Variants in CUX1 observed in about 807,000 individuals in gnomAD.
The protein encoded by CUX1 is cut like homeobox 1.
CUX1 carries 31 observed loss-of-function variants against 158.8 expected under a neutral mutation model. The observed-to-expected ratio is 0.20, with a 90% CI of 0.15 to 0.26. The LOEUF (loss-of-function observed/expected upper bound fraction) is 0.26. Ranked by LOEUF, CUX1 falls within the 10% of genes least tolerant of loss-of-function variation. The pLI, the probability that CUX1 is intolerant of heterozygous loss-of-function variation, is 1.00. For synonymous variants in CUX1, 879 were observed against 862.1 expected (o/e 1.02, Z -0.34); for missense variants, 1,589 against 2,014.6 (o/e 0.79, Z 4.04).
At chr7:101,922,832 A>G (rs140238842) in intron 2 of CUX1, among the ~76,000 whole-genome samples, 10 of 152,350 alleles carry the variant, frequency 6.6e-5, no homozygotes, top group African/African-American at 2.4e-4. Context: ...GGCTGGCAGC[A>G]GGGGCAGCAC....
At chr7:102,195,314 T>TA (rs1210172897) in intron 13 of CUX1, among the ~76,000 whole-genome samples, 193 bp from the exon 14 acceptor site, 3 of 152,174 alleles carry the variant, frequency 2.0e-5, no homozygotes, top group Non-Finnish European at 4.4e-5. Context: ...CCATTCTTTC[T>TA]AAAGGGAACT....
intron 20 of CUX1, among the ~76,000 whole-genome samples, chr7:102,220,181 C>T (rs1218855979): frequency 2.0e-5 from 3 of 152,148 alleles, no homozygotes; most frequent in South Asian, 2.1e-4. Flanking sequence ...GCCAACATGG[C>T]GAAATCCCAT....
chr7:101,853,459 C>A (rs959095755), intron 1 of CUX1, among the ~76,000 whole-genome samples: 8 of 152,182 alleles, frequency 5.3e-5, no homozygotes, highest in Non-Finnish European at 1.2e-4. Context: ...TTTCTTTAGC[C>A]TTTGTCCTGT....
intron 14 of CUX1, among the ~76,000 whole-genome samples, chr7:102,272,857 G>T (rs1791319368): frequency 6.6e-6 from 1 of 152,186 alleles, no homozygotes; most frequent in South Asian, 2.1e-4. Flanking sequence ...CACCTCTGTT[G>T]TCAGCCCAGA....
Position 102,250,777 on chromosome 7 carries a change from AGTGTGCGTGC to A in CUX1, c.*1745_*1754del, listed in dbSNP as rs1254225794. On this transcript the variant is annotated 3_prime_UTR_variant, in exon 24 of 24. Transcript: ENST00000292535. Reference sequence around the variant, plus strand: ...ATGCGTGAGAATAGAGGCGGGTGAGAGTGTGCGTGCGTGTGCGTGTGTGCAATTTTATACG... The same window carrying A: ...ATGCGTGAGAATAGAGGCGGGTGAGAGTGTGCGTGTGTGCAATTTTATACG... 5.1e-5 allele frequency: 50 copies of A among 985,122 alleles called. No individual in the cohort carries two copies. Among genetic ancestry groups the A allele is most frequent in the Non-Finnish European group, 5.9e-5 (49 of 829,914 alleles). 61.0% of individuals were successfully genotyped at this position (985,122 alleles called of 1,614,324 possible).
chr7:101,896,406 G>A (rs1246866616), intron 1 of CUX1, among the ~76,000 whole-genome samples: 2 of 152,188 alleles, frequency 1.3e-5, no homozygotes, highest in African/African-American at 4.8e-5. Flanking sequence ...ATGAAGGGGT[G>A]TATGAAGGTA....
chr7:101,977,270 A>G (rs1480037499), intron 2 of CUX1, among the ~76,000 whole-genome samples: 2 of 152,038 alleles, frequency 1.3e-5, no homozygotes, highest in African/African-American at 4.8e-5. Context: ...GTATCAACCC[A>G]CAAGGAACTT....
rs1395717280 is a variant in CUX1 at position 102,195,130 on chromosome 7, AAAG to A, written c.1126-374_1126-372del. Reference sequence around the variant, plus strand: ...TTTGTGGCTGGCAAAAAAAAAAAAAAAAGAAAAGTTCCCTTTACAGTAACGTTC... The same window carrying A: ...TTTGTGGCTGGCAAAAAAAAAAAAAAAAAAGTTCCCTTTACAGTAACGTTC... On this transcript the variant is annotated intron_variant, in intron 13 of 23. Coordinates refer to ENST00000292535, the MANE Select transcript of CUX1 (RefSeq NM_181552.4). Among the ~76,000 whole-genome samples, 7 of 151,884 alleles carry A rather than the reference AAAG, an allele frequency of 4.6e-5. No homozygotes were observed. The East Asian group carries it at 1.4e-3, about 31-fold the overall frequency.
At chr7:102,132,496 T>G (rs1253095346) in intron 8 of CUX1, among the ~76,000 whole-genome samples, 2 of 151,990 alleles carry the variant, frequency 1.3e-5, no homozygotes, top group Admixed American at 6.6e-5. Context: ...AGCCCCCTTC[T>G]GCTTTCTTCC....
In CUX1 at chr7:102,256,377, A is replaced by C; in HGVS notation, c.*7335A>C. 6 of 985,288 alleles carry C rather than the reference A, an allele frequency of 6.1e-6. No individual in the cohort carries two copies. Among genetic ancestry groups the C allele is most frequent in the Non-Finnish European group, 7.2e-6 (6 of 829,808 alleles). 61.0% of individuals were successfully genotyped at this position (985,288 alleles called of 1,614,324 possible). On this transcript the variant is annotated 3_prime_UTR_variant, in exon 24 of 24. Coordinates refer to ENST00000292535, the MANE Select transcript of CUX1 (RefSeq NM_181552.4). Reference sequence around the variant, plus strand: ...TAGGTTAATCATTTAAGTACTTATCAGGAGTGTATTGTTATTTTGTGTTTT... The same window carrying C: ...TAGGTTAATCATTTAAGTACTTATCCGGAGTGTATTGTTATTTTGTGTTTT...
rs1379542728 is a variant in CUX1 at position 102,122,991 on chromosome 7, G to T, written c.674+7718G>T. On this transcript the variant is annotated intron_variant, in intron 8 of 23. Coordinates refer to ENST00000292535, the MANE Select transcript of CUX1 (RefSeq NM_181552.4). ...CATACCTGTAATCCCAGAACTCTGG[G>T]AGGCCGAGATGGGTGGATCACCTGA... 4.6e-5 allele frequency among the ~76,000 whole-genome samples: 7 copies of T among 152,312 alleles called. No homozygotes were observed. In the South Asian group the frequency reaches 1.2e-3, roughly 27 times the overall value.
At position 101,869,474 on chromosome 7, in the gene CUX1, G is replaced by C. The variant is rs1226823568; in HGVS notation, c.31-46641G>C. Among the ~76,000 whole-genome samples, 2 of 152,156 alleles carry C rather than the reference G, an allele frequency of 1.3e-5. No individual in the cohort carries two copies. Among genetic ancestry groups the C allele is most frequent in the Non-Finnish European group, 2.9e-5 (2 of 68,022 alleles). Reference sequence around the variant, plus strand: ...CTGGCATGTGCGTCAACGCATCTCTGAGGATGGAATTTAAAGGCAAGAGCT... The same window carrying C: ...CTGGCATGTGCGTCAACGCATCTCTCAGGATGGAATTTAAAGGCAAGAGCT... On this transcript the variant is annotated intron_variant, in intron 1 of 23. Transcript: ENST00000292535. The surrounding 1 kb of genome is among the most constrained non-coding windows in gnomAD (Gnocchi z 4.5).
rs114302522 is a variant in CUX1 at position 102,152,611 on chromosome 7, C to T, written c.675-5949C>T. Among the ~76,000 whole-genome samples the T allele has an allele frequency of 3.1e-3, 476 of 152,304 alleles. 3 individuals are homozygous for T. The highest frequency in any genetic ancestry group is 0.011 in the African/African-American group (462 of 41,570). ...TTCACCATGTTGGCCAAGCTAGTCTCGAACTCGCGACCTCAGGTGATCCAC... is the reference window on the plus strand; with the variant it reads ...TTCACCATGTTGGCCAAGCTAGTCTTGAACTCGCGACCTCAGGTGATCCAC... On this transcript the variant is annotated intron_variant, in intron 8 of 23. Coordinates refer to ENST00000292535, the MANE Select transcript of CUX1 (RefSeq NM_181552.4).
Position 102,201,361 on chromosome 7 carries a change from A to G in CUX1, c.2064A>G (p.Ala688=), listed in dbSNP as rs1287207202. 2.5e-5 allele frequency: 40 copies of G among 1,612,476 alleles called. No individual in the cohort carries two copies. Among genetic ancestry groups the G allele is most frequent in the Non-Finnish European group, 3.3e-5 (39 of 1,179,232 alleles). ...AKRELQVQKT[A]EPAQPSSASG... is the part of the protein sequence containing the mutation. ...TCTCACCCCTGTTTCTCCATGCAGC[A>G]GAGCCGGCCCAGCCTTCCTCCGCAT... The change falls in exon 18 of 24, where the codon GCA becomes GCG. Residue 688 remains alanine (A), a splice_region_variant and synonymous_variant. Transcript: ENST00000292535. This position sits in a 1 kb window ranked among gnomAD's most constrained non-coding sequence, Gnocchi z 5.0.
chr7:102,233,343 G>A (rs1379174256), intron 21 of CUX1, among the ~76,000 whole-genome samples: 4 of 152,034 alleles, frequency 2.6e-5, no homozygotes, highest in East Asian at 1.9e-4. Context: ...ATGCCACCAC[G>A]CCTAGCTAAT....
rs1801040789 is a variant in CUX1, at chr7:102,248,293, AG to A, written c.3888-115del. 1 of 936,782 alleles carries A rather than the reference AG, an allele frequency of 1.1e-6. No individual in the cohort carries two copies. The allele number at this position is 936,782 out of a possible 1,614,324, so 58.0% of individuals were successfully genotyped here. On this transcript the variant is annotated intron_variant, in intron 23 of 23. Coordinates refer to ENST00000292535, the MANE Select transcript of CUX1 (RefSeq NM_181552.4). This position sits in a 1 kb window ranked among gnomAD's most constrained non-coding sequence, Gnocchi z 5.8. ...CCCGAGGGTCGCTGGAGGGGCACGG[AG>A]GGGCCTCCAGGCTGGACGGAGCAGG...
At position 102,281,117 on chromosome 7, in the gene CUX1, A is replaced by C. The variant is rs117165449; in HGVS notation, c.1821+257A>C. Among the ~76,000 whole-genome samples the C allele has an allele frequency of 1.1e-3, 164 of 152,236 alleles. 4 individuals are homozygous for C. The East Asian group carries it at 0.029, about 27-fold the overall frequency. On this transcript the variant is annotated intron_variant, in intron 20 of 22. Transcript: ENST00000292538. Reference sequence around the variant, plus strand: ...CCTAGAGTCAGACATGGTGGCTCACACCTGTCATCCCAGCACTTTGGGAGG... The same window carrying C: ...CCTAGAGTCAGACATGGTGGCTCACCCCTGTCATCCCAGCACTTTGGGAGG...
In CUX1 at chr7:102,199,735, T is replaced by C. The variant is rs541201354; in HGVS notation, c.1961-336T>C. ...AGAGTCAGTCCCAAGCCACAGCAGTTGCTTCTAAGTGACTCATGAGAAACA... is the reference window on the plus strand; with the variant it reads ...AGAGTCAGTCCCAAGCCACAGCAGTCGCTTCTAAGTGACTCATGAGAAACA... On this transcript the variant is annotated intron_variant, in intron 16 of 23. Transcript: ENST00000292535. Among the ~76,000 whole-genome samples, 513 of 152,330 alleles carry C rather than the reference T, an allele frequency of 3.4e-3. 2 individuals carry two copies. The highest frequency in any genetic ancestry group is 0.011 in the African/African-American group (474 of 41,574).
chr7:102,132,383 T>C (rs1833390709), intron 8 of CUX1, among the ~76,000 whole-genome samples: 1 of 151,950 alleles, frequency 6.6e-6, no homozygotes, highest in African/African-American at 2.4e-5. Context: ...TTCCCAATAG[T>C]AAAACCTCTA....
Sources: allele counts gnomAD v4.1 joint callset (sites outside exome capture counted in the v4.1 genomes callset), GRCh38; gene constraint gnomAD v4.1.1; non-coding constraint Gnocchi (gnomAD v3.1); transcripts MANE v1.5; gene names NCBI Gene and HGNC (gene_info 2026-07-23, HGNC 2026-07-21).